The following NKAIN3 variants were observed in gnomAD, a reference collection of about 807,000 sequenced individuals.
NKAIN3 encodes sodium/potassium transporting ATPase interacting 3, also known as sodium/potassium-transporting ATPase subunit beta-1-interacting protein 3.
Under a neutral mutation model 30.2 loss-of-function variants are expected in NKAIN3, and 25 were observed. The ratio of observed to expected loss-of-function variants is 0.83; its 90% CI spans 0.60 to 1.16. The LOEUF is 1.16. NKAIN3 is among the 50% of genes most tolerant of loss of function. The pLI is 0.00. For missense variants in NKAIN3, 225 were observed against 254.1 expected (o/e 0.89, Z 0.78); for synonymous variants, 91 against 89.6 (o/e 1.02, Z -0.09).
chr8:62,796,696 A>G (rs1471421000), intron 4 of NKAIN3, among the ~76,000 whole-genome samples: 2 of 152,088 alleles, frequency 1.3e-5, no homozygotes. Flanking sequence ...AGGAACAAGT[A>G]TGTACAGGAT....
chr8:62,961,650 A>C (rs1020744945), intron 6 of NKAIN3, among the ~76,000 whole-genome samples: 8 of 152,216 alleles, frequency 5.3e-5, no homozygotes, highest in African/African-American at 1.7e-4. Flanking sequence ...AAAAAATAAA[A>C]CACCACAATA....
chr8:62,405,141 A>C (rs62509249), intron 1 of NKAIN3, among the ~76,000 whole-genome samples: 20,876 of 152,174 alleles, frequency 0.14, 1,730 homozygotes, highest in East Asian at 0.41. Flanking sequence ...TGGAATACAA[A>C]GTCCTCTTTA....
chr8:62,295,086 T>A (rs1329756583), intron 1 of NKAIN3, among the ~76,000 whole-genome samples: 1 of 152,120 alleles, frequency 6.6e-6, no homozygotes, highest in Non-Finnish European at 1.5e-5. Context: ...GTATAACAAA[T>A]CAAGGAGTAC....
Position 62,308,242 on chromosome 8 carries a change from A to G in NKAIN3, c.54+59115A>G, listed in dbSNP as rs1302547179. Among the ~76,000 whole-genome samples the G allele has an allele frequency of 1.3e-5, 2 of 150,490 alleles. 1 individual carries two copies. The highest frequency in any genetic ancestry group is 5.0e-5 in the African/African-American group (2 of 39,890). ...AGCTGTACCTCAAAGGCTTGTTCAT[A>G]TGACTGCATCCTCTGCCACTCCTCC... On this transcript the variant is annotated intron_variant, in intron 1 of 6. Coordinates refer to ENST00000623646, the MANE Select transcript of NKAIN3 (RefSeq NM_001304533.3).
intron 5 of NKAIN3, among the ~76,000 whole-genome samples, chr8:62,952,134 G>T (rs1193185047): frequency 6.6e-6 from 1 of 151,924 alleles, no homozygotes; most frequent in Non-Finnish European, 1.5e-5. Context: ...TCTGTCCAAG[G>T]TAAAACTCTG....
chr8:62,298,462 CCA>C (rs1813920178), intron 1 of NKAIN3, among the ~76,000 whole-genome samples: 1 of 152,110 alleles, frequency 6.6e-6, no homozygotes, highest in South Asian at 2.1e-4. Context: ...CTACTTCCCA[CCA>C]CAGTTAAGAT....
chr8:62,906,946 C>T (rs749342312), intron 4 of NKAIN3, among the ~76,000 whole-genome samples: 16 of 152,106 alleles, frequency 1.1e-4, no homozygotes, highest in Non-Finnish European at 8.8e-5. Context: ...AACTAGGTAA[C>T]AGGCAGAGAG....
intron 1 of NKAIN3, among the ~76,000 whole-genome samples, chr8:62,308,171 A>G (rs974550745): frequency 6.6e-6 from 1 of 150,442 alleles, no homozygotes; most frequent in African/African-American, 2.5e-5. Flanking sequence ...ATAAAATGAT[A>G]CCTTTTAATT....
chr8:62,668,568 T>A (rs1813204038), intron 3 of NKAIN3, among the ~76,000 whole-genome samples: 1 of 152,172 alleles, frequency 6.6e-6, no homozygotes, highest in Non-Finnish European at 1.5e-5. Flanking sequence ...CGTAAGAACA[T>A]GCTTATTCAA....
intron 5 of NKAIN3, among the ~76,000 whole-genome samples, chr8:62,937,285 A>T (rs995690484): frequency 6.6e-6 from 1 of 152,170 alleles, no homozygotes; most frequent in African/African-American, 2.4e-5. Context: ...AAACTGAAAG[A>T]ATTCGTAGAG....
In NKAIN3 at chr8:62,747,125, T is replaced by A; in HGVS notation, c.467T>A (p.Leu156His). ...ATCCACAGTGCTGTCCAAATACTACTCTCTGTAAGTGTCACTTTTGTGTCA... is the reference window on the plus strand; with the variant it reads ...ATCCACAGTGCTGTCCAAATACTACACTCTGTAAGTGTCACTTTTGTGTCA... ...EVIHSAVQIL[L>H]SLVGFVYACY... Residue 156 changes from leucine to histidine, a missense_variant, in exon 4 of 7, where the codon CTC becomes CAC. By Grantham distance (99) the Leu-to-His change is moderately conservative. Coordinates refer to ENST00000623646, the MANE Select transcript of NKAIN3 (RefSeq NM_001304533.3). 1.3e-6 allele frequency: 2 copies of A among 1,590,644 alleles called. No individual in the cohort carries two copies. The highest frequency in any genetic ancestry group is 3.3e-5 in the Admixed American group (2 of 59,836).
intron 6 of NKAIN3, among the ~76,000 whole-genome samples, chr8:62,964,994 C>G (rs937590898): frequency 6.6e-6 from 1 of 152,032 alleles, no homozygotes; most frequent in African/African-American, 2.4e-5. Context: ...CTTAACTACC[C>G]AGCATACTGT....
rs1823795004 is a variant in NKAIN3, at chr8:62,969,923, A to T, written c.*4516A>T. Among the ~76,000 whole-genome samples the T allele has an allele frequency of 6.6e-6, 1 of 152,144 alleles. No homozygotes were observed. Among genetic ancestry groups the T allele is most frequent in the Non-Finnish European group, 1.5e-5 (1 of 68,014 alleles). ...AGAAAGGGAACAGATGACCAGACACAGTGGCTCATGCCTGTAATCCCAAAG... is the reference window on the plus strand; with the variant it reads ...AGAAAGGGAACAGATGACCAGACACTGTGGCTCATGCCTGTAATCCCAAAG... On this transcript the variant is annotated 3_prime_UTR_variant, in exon 7 of 7. Transcript: ENST00000623646.
At chr8:62,937,548 G>A (rs1397682630) in intron 5 of NKAIN3, among the ~76,000 whole-genome samples, 1 of 152,096 alleles carries the variant, frequency 6.6e-6, no homozygotes, top group African/African-American at 2.4e-5. Context: ...GGAAGACCAG[G>A]GAAGCTATTT....
chr8:62,543,219 G>C (rs1266765907), intron 1 of NKAIN3, among the ~76,000 whole-genome samples: 1 of 152,132 alleles, frequency 6.6e-6, no homozygotes, highest in Admixed American at 6.6e-5. Flanking sequence ...CTGCCTCAGA[G>C]TTCCACACTC....
chr8:62,677,168 C>T (rs1813503632), intron 3 of NKAIN3, among the ~76,000 whole-genome samples: 1 of 152,146 alleles, frequency 6.6e-6, no homozygotes, highest in African/African-American at 2.4e-5. Flanking sequence ...GAGGTGCGTT[C>T]TCAGAAATAG....
intron 3 of NKAIN3, among the ~76,000 whole-genome samples, chr8:62,656,703 C>G (rs976551247): frequency 3.3e-5 from 5 of 152,166 alleles, no homozygotes; most frequent in Non-Finnish European, 4.4e-5. Context: ...TGTAAAATGT[C>G]TAGTCACAAC....
chr8:62,863,887 C>T, intron 4 of NKAIN3: 3 of 1,411,134 alleles, frequency 2.1e-6, no homozygotes, highest in Non-Finnish European at 3.0e-6. Context: ...GGTCCTCTTG[C>T]TCATCATCTG....
At chr8:62,479,480 G>C (rs983584177) in intron 1 of NKAIN3, among the ~76,000 whole-genome samples, 2 of 152,130 alleles carry the variant, frequency 1.3e-5, no homozygotes, top group African/African-American at 4.8e-5. Context: ...CCCTCCACTG[G>C]GTTTGTATTG....
Sources: allele counts gnomAD v4.1 joint callset (sites outside exome capture counted in the v4.1 genomes callset), GRCh38; gene constraint gnomAD v4.1.1; transcripts MANE v1.5; gene names NCBI Gene and HGNC (gene_info 2026-07-23, HGNC 2026-07-21).